LAMC1: variants seen among roughly 807,000 people sequenced by gnomAD.
LAMC1 encodes laminin subunit gamma 1.
LAMC1 carries 38 observed loss-of-function variants against 173.6 expected under a neutral mutation model. The observed-to-expected ratio is 0.22, with a 90% CI of 0.17 to 0.29. LAMC1 has a LOEUF of 0.29. Ranked by LOEUF, LAMC1 falls within the 10% of genes least tolerant of loss-of-function variation. The pLI is 1.00. For synonymous variants in LAMC1, 746 were observed against 749.1 expected, an observed-to-expected ratio of 1.00 and a Z score of 0.07; for missense variants, 1,824 against 2,051.8, an observed-to-expected ratio of 0.89 and a Z score of 2.14.
rs1207247219 is a variant in LAMC1 at position 183,106,071 on chromosome 1, G to A, written c.724-2205G>A. ...ATACTTTTATTGTCTCCATTTTACA[G>A]ATGAGGAATCAGAGGCCCAGAAAGG... On this transcript the variant is annotated intron_variant, in intron 2 of 27. Transcript: ENST00000258341. 3.3e-5 allele frequency among the ~76,000 whole-genome samples: 5 copies of A among 152,140 alleles called. No individual in the cohort carries two copies. The East Asian group carries it at 9.6e-4, about 29-fold the overall frequency.
intron 1 of LAMC1, among the ~76,000 whole-genome samples, chr1:183,082,322 T>C (rs1655299416): frequency 6.6e-6 from 1 of 152,260 alleles, no homozygotes; most frequent in Non-Finnish European, 1.5e-5. Context: ...TAGAAGAAAC[T>C]GCCAAACTGT....
At chr1:183,035,145 T>G (rs1056563875) in intron 1 of LAMC1, among the ~76,000 whole-genome samples, 6 of 152,314 alleles carry the variant, frequency 3.9e-5, no homozygotes, top group African/African-American at 1.4e-4. Context: ...CTGCTTCTGT[T>G]AAAAGGGCTT....
intron 1 of LAMC1, among the ~76,000 whole-genome samples, chr1:183,052,868 T>C (rs1007476042): frequency 7.2e-5 from 11 of 152,200 alleles, no homozygotes; most frequent in African/African-American, 2.4e-4. Flanking sequence ...TCCATTTTCT[T>C]CTCCCTTACT....
At chr1:183,082,652 A>G (rs1404719020) in intron 1 of LAMC1, among the ~76,000 whole-genome samples, 1 of 152,210 alleles carries the variant, frequency 6.6e-6, no homozygotes, top group Non-Finnish European at 1.5e-5. Context: ...AAATGGAGTT[A>G]TATTGTTAAT....
At chr1:183,101,509 C>T (rs1466896784) in intron 1 of LAMC1, among the ~76,000 whole-genome samples, 2 of 151,164 alleles carry the variant, frequency 1.3e-5, no homozygotes, top group Non-Finnish European at 2.9e-5. Flanking sequence ...CAGTCAGGTC[C>T]TTTTATGTGA....
At chr1:183,043,014 A>G (rs1654179506) in intron 1 of LAMC1, among the ~76,000 whole-genome samples, 1 of 152,248 alleles carries the variant, frequency 6.6e-6, no homozygotes, top group Admixed American at 6.5e-5. Flanking sequence ...TGAGAGTTCC[A>G]GAAGTGATAA....
chr1:183,083,134 T>C (rs1655331437), intron 1 of LAMC1, among the ~76,000 whole-genome samples: 1 of 152,156 alleles, frequency 6.6e-6, no homozygotes, highest in Non-Finnish European at 1.5e-5. Flanking sequence ...AGAAGAGAAG[T>C]GTTGGGCTTT....
intron 21 of LAMC1, among the ~76,000 whole-genome samples, chr1:183,132,921 T>C (rs1656836670): frequency 6.6e-6 from 1 of 152,086 alleles, no homozygotes; most frequent in Non-Finnish European, 1.5e-5. Flanking sequence ...TTTTTTGTTG[T>C]TTTTGTGAGA....
chr1:183,106,772 G>A (rs757184810), intron 2 of LAMC1, among the ~76,000 whole-genome samples: 2 of 152,096 alleles, frequency 1.3e-5, no homozygotes, highest in Non-Finnish European at 2.9e-5. Context: ...CTGGGGCCTG[G>A]GTCTCTGTCT....
intron 1 of LAMC1, among the ~76,000 whole-genome samples, chr1:183,076,886 T>TA (rs1431574872): frequency 6.6e-6 from 1 of 152,212 alleles, no homozygotes; most frequent in East Asian, 1.9e-4. Flanking sequence ...TGTCTCCCCT[T>TA]ACCATCTAAT....
At chr1:183,082,019 A>G (rs997043909) in intron 1 of LAMC1, among the ~76,000 whole-genome samples, 6 of 152,088 alleles carry the variant, frequency 3.9e-5, no homozygotes, top group African/African-American at 1.2e-4. Context: ...GGCTTCTTTC[A>G]TCTACTTATA....
At chr1:183,077,166 T>C (rs1249077426) in intron 1 of LAMC1, among the ~76,000 whole-genome samples, 2 of 152,110 alleles carry the variant, frequency 1.3e-5, no homozygotes, top group Non-Finnish European at 2.9e-5. Context: ...GCCCCTGCAT[T>C]TCTCCTTTTT....
At chr1:183,069,323 G>C (rs557137547) in intron 1 of LAMC1, among the ~76,000 whole-genome samples, 1 of 152,316 alleles carries the variant, frequency 6.6e-6, no homozygotes, top group East Asian at 1.9e-4. Context: ...AGACAGATGA[G>C]TAGCTGTTCA....
At chr1:183,049,588 C>T (rs1654358460) in intron 1 of LAMC1, among the ~76,000 whole-genome samples, 2 of 151,918 alleles carry the variant, frequency 1.3e-5, no homozygotes, top group African/African-American at 4.8e-5. Flanking sequence ...CTCAGCCTCC[C>T]GTGTAGCTGG....
chr1:183,131,385 T>G lies in LAMC1; in HGVS notation c.3566+7T>G. On this transcript the variant is annotated splice_region_variant and intron_variant, in intron 20 of 27. Transcript: ENST00000258341. ...CTCGAAAGCTTGCTGAACGGTAACT[T>G]CTAGATCCCTGTTTAATGGTTAAGT... The G allele has an allele frequency of 6.2e-7, 1 of 1,607,278 alleles. No individual in the cohort carries two copies. Among genetic ancestry groups the G allele is most frequent in the Non-Finnish European group, 8.5e-7 (1 of 1,174,242 alleles).
intron 1 of LAMC1, among the ~76,000 whole-genome samples, chr1:183,045,325 C>A (rs1654239834): frequency 6.6e-6 from 1 of 151,918 alleles, no homozygotes; most frequent in East Asian, 1.9e-4. Context: ...ACATTTCTTC[C>A]AATTTTCCTC....
At chr1:183,090,228 A>C (rs1181470076) in intron 1 of LAMC1, among the ~76,000 whole-genome samples, 1 of 152,124 alleles carries the variant, frequency 6.6e-6, no homozygotes, top group Non-Finnish European at 1.5e-5. Context: ...TTATTTCTTA[A>C]CAGTCATTAG....
intron 2 of LAMC1, among the ~76,000 whole-genome samples, chr1:183,105,629 T>C (rs2147584): frequency 0.52 from 77,987 of 151,376 alleles, 20,727 homozygotes; most frequent in South Asian, 0.65. Context: ...GTTATGACCT[T>C]GCATTTAAAA....
Position 183,121,916 on chromosome 1 carries a change from A to G in LAMC1, c.2184A>G (p.Gly728=), listed in dbSNP as rs757328204. Reference sequence around the variant, plus strand: ...CATGTGTGCTTTGCGCCTGCAATGGACACAGCGAGACCTGTGATCCTGAGA... The same window carrying G: ...CATGTGTGCTTTGCGCCTGCAATGGGCACAGCGAGACCTGTGATCCTGAGA... ...YSPCVLCACN[G]HSETCDPETG... Residue 728 remains glycine (G), a synonymous_variant, in exon 12 of 28, where the codon GGA becomes GGG. Coordinates refer to ENST00000258341, the MANE Select transcript of LAMC1 (RefSeq NM_002293.4). 6 of 1,614,066 alleles carry G rather than the reference A, an allele frequency of 3.7e-6. No individual in the cohort carries two copies. Among genetic ancestry groups the G allele is most frequent in the African/African-American group, 2.7e-5 (2 of 74,936 alleles).
Sources: allele counts gnomAD v4.1 joint callset (sites outside exome capture counted in the v4.1 genomes callset), GRCh38; gene constraint gnomAD v4.1.1; transcripts MANE v1.5; gene names NCBI Gene and HGNC (gene_info 2026-07-23, HGNC 2026-07-21).